THRB: variants seen among roughly 807,000 people sequenced by gnomAD.
The protein encoded by THRB is nuclear receptor subfamily 1 group A member 2.
Under a neutral mutation model 47.8 loss-of-function variants are expected in THRB, and 12 were observed. That is an observed-to-expected ratio of 0.25 (90% CI 0.16 to 0.41). The LOEUF is 0.41. THRB is among the 10% of genes least tolerant of loss of function. The probability of loss-of-function intolerance (pLI) is 1.00; values close to 1 mark genes in which losing one functional copy is unlikely to be tolerated. For synonymous variants in THRB, 218 were observed against 212.2 expected (o/e 1.03, Z -0.24); for missense variants, 348 against 589.2 (o/e 0.59, Z 4.24).
intron 3 of THRB, among the ~76,000 whole-genome samples, chr3:24,233,510 GAAGGAGGGAAGGAAGGAAGGA>G (rs2048457256): frequency 8.1e-6 from 1 of 123,994 alleles, no homozygotes. Context: ...AAGAAAGAAA[GAAGGAGGGAAGGAAGGAAGGA>G]AAAGAAAGAA....
In THRB at chr3:24,437,621, GACC is replaced by G. The variant is rs1260985510; in HGVS notation, c.-261+57028_-261+57030del. 4.6e-5 allele frequency among the ~76,000 whole-genome samples: 7 copies of G among 152,086 alleles called. No individual in the cohort carries two copies. In the East Asian group the frequency reaches 1.2e-3, roughly 25 times the overall value. On this transcript the variant is annotated intron_variant, in intron 1 of 10. Transcript: ENST00000646209. ...TACACACTGTACACACGTATCAAAA[GACC>G]ACATGTACAAAAATATGCACAACTA...
rs187008450 is a variant in THRB, at chr3:24,269,665, G to A, written c.-43+27561C>T. On this transcript the variant is annotated intron_variant, in intron 3 of 10. Transcript: ENST00000646209. Reference sequence around the variant, plus strand: ...TGCCTCAGTTGGTCTCAGACTCCTGGACTCAAGCAATCCTCCCACCTCAGC... The same window carrying A: ...TGCCTCAGTTGGTCTCAGACTCCTGAACTCAAGCAATCCTCCCACCTCAGC... Among the ~76,000 whole-genome samples, 341 of 150,730 alleles carry A rather than the reference G, an allele frequency of 2.3e-3. 2 individuals are homozygous for A. The highest frequency in any genetic ancestry group is 7.6e-3 in the African/African-American group (311 of 41,012).
At position 24,208,495 on chromosome 3, in the gene THRB, A is replaced by C. The variant is rs577140381; in HGVS notation, c.23-18161T>G. 6.6e-5 allele frequency among the ~76,000 whole-genome samples: 10 copies of C among 152,324 alleles called. No individual in the cohort carries two copies. In the East Asian group the frequency reaches 9.6e-4, roughly 15 times the overall value. On this transcript the variant is annotated intron_variant, in intron 4 of 10. Coordinates refer to ENST00000646209, the MANE Select transcript of THRB (RefSeq NM_001354712.2). Reference sequence around the variant, plus strand: ...AAAACAGCATGGTACTGGTACCAAAACAGAGATATAGACCAATGGAACAGA... The same window carrying C: ...AAAACAGCATGGTACTGGTACCAAACCAGAGATATAGACCAATGGAACAGA...
At chr3:24,132,824 A>G (rs928776987) in intron 9 of THRB, among the ~76,000 whole-genome samples, 2 of 152,270 alleles carry the variant, frequency 1.3e-5, no homozygotes, top group Non-Finnish European at 2.9e-5. Context: ...ACGACCACAC[A>G]GTCATCTCAC....
At chr3:24,481,444 A>G (rs1372255848) in intron 1 of THRB, among the ~76,000 whole-genome samples, 4 of 152,016 alleles carry the variant, frequency 2.6e-5, no homozygotes, top group African/African-American at 9.7e-5. Context: ...ACATCAGGAA[A>G]GTATTACTCA....
rs1394131156 is a variant in THRB, at chr3:24,119,520, TGA to T, written c.*3362_*3363del. 1 of 152,296 alleles carries T rather than the reference TGA, an allele frequency of 6.6e-6. No individual in the cohort carries two copies. The highest frequency in any genetic ancestry group is 1.5e-5 in the Non-Finnish European group (1 of 68,154). 9.4% of individuals were successfully genotyped at this position (152,296 alleles called of 1,614,324 possible). A position where few individuals can be genotyped will look rare whatever the true frequency, so the allele number is the denominator to read the frequency against. On this transcript the variant is annotated 3_prime_UTR_variant, in exon 11 of 11. Coordinates refer to ENST00000646209, the MANE Select transcript of THRB (RefSeq NM_001354712.2). ...GGGTGCTCAGCGGTTCCTTGGAGGC[TGA>T]GTCTGTGGGGGGCTTAGTGTCGAGG...
At chr3:24,351,165 A>G (rs1010416890) in intron 1 of THRB, among the ~76,000 whole-genome samples, 1 of 151,920 alleles carries the variant, frequency 6.6e-6, no homozygotes, top group African/African-American at 2.4e-5. Context: ...TTCTCTTCCC[A>G]TTGGCTTCTA....
chr3:24,376,883 G>A (rs1182310848), intron 1 of THRB, among the ~76,000 whole-genome samples: 3 of 152,202 alleles, frequency 2.0e-5, no homozygotes, highest in Admixed American at 2.0e-4. Context: ...TATGTGATCT[G>A]GCTGACATCT....
intron 1 of THRB, among the ~76,000 whole-genome samples, chr3:24,365,978 G>A (rs145085009): frequency 2.6e-5 from 4 of 152,268 alleles, no homozygotes; most frequent in African/African-American, 7.2e-5. Flanking sequence ...CTAATCGGGC[G>A]TATTTTGACT....
At chr3:24,200,052 T>G (rs1233937436) in intron 4 of THRB, among the ~76,000 whole-genome samples, 1 of 152,312 alleles carries the variant, frequency 6.6e-6, no homozygotes, top group South Asian at 2.1e-4. Flanking sequence ...GTTGGATGAC[T>G]CAAACTTTGA....
At chr3:24,411,248 G>A (rs1475980402) in intron 1 of THRB, among the ~76,000 whole-genome samples, 2 of 151,684 alleles carry the variant, frequency 1.3e-5, no homozygotes, top group Non-Finnish European at 2.9e-5. Flanking sequence ...TAAAATTTGG[G>A]CCATTTTCTC....
intron 4 of THRB, among the ~76,000 whole-genome samples, chr3:24,209,977 C>T (rs2045848366): frequency 6.6e-6 from 1 of 152,136 alleles, no homozygotes; most frequent in South Asian, 2.1e-4. Flanking sequence ...TGTTCTGATA[C>T]GTGTCTACAG....
At chr3:24,209,772 A>C (rs9811853) in intron 4 of THRB, among the ~76,000 whole-genome samples, 2 of 151,902 alleles carry the variant, frequency 1.3e-5, no homozygotes, top group African/African-American at 4.8e-5. Flanking sequence ...CATGTATACA[A>C]AATTAACAAA....
chr3:24,223,264 A>C (rs1255409233), intron 4 of THRB, among the ~76,000 whole-genome samples: 2 of 150,472 alleles, frequency 1.3e-5, no homozygotes, highest in East Asian at 1.9e-4. Flanking sequence ...TGTTAAAGGT[A>C]AGTATGAGAG....
chr3:24,273,192 C>G (rs573236784), intron 3 of THRB, among the ~76,000 whole-genome samples: 19 of 152,256 alleles, frequency 1.2e-4, no homozygotes, highest in African/African-American at 4.6e-4. Flanking sequence ...GACCTGCCAA[C>G]AATAATTTTA....
intron 1 of THRB, among the ~76,000 whole-genome samples, chr3:24,457,728 A>C (rs1281704882): frequency 6.6e-6 from 1 of 152,182 alleles, no homozygotes; most frequent in Non-Finnish European, 1.5e-5. Flanking sequence ...TATGTCATCA[A>C]ATAATCCATT....
intron 5 of THRB, chr3:24,165,540 T>C (rs2039535455): frequency 8.8e-6 from 5 of 567,832 alleles, no homozygotes; most frequent in Non-Finnish European, 1.6e-5. Flanking sequence ...TACTTTGTAA[T>C]AGCACCTGAT....
At chr3:24,230,610 C>T (rs905225615) in intron 3 of THRB, among the ~76,000 whole-genome samples, 2 of 152,132 alleles carry the variant, frequency 1.3e-5, no homozygotes, top group African/African-American at 2.4e-5. Context: ...GAGCACAGGT[C>T]GTACCTACAG....
Position 24,307,376 on chromosome 3 carries a change from G to GT in THRB, c.-188-10006dup, listed in dbSNP as rs1484375119. Among the ~76,000 whole-genome samples the GT allele has an allele frequency of 8.6e-5, 13 of 151,964 alleles. No homozygotes were observed. In the South Asian group the frequency reaches 2.5e-3, roughly 29 times the overall value. ...GATCTCTCAATTCTTATTTCCTTTA[G>GT]TTTTTTATGCATCTGTTTTTTATAT... On this transcript the variant is annotated intron_variant, in intron 2 of 10. Coordinates refer to ENST00000646209, the MANE Select transcript of THRB (RefSeq NM_001354712.2).
Sources: allele counts gnomAD v4.1 joint callset (sites outside exome capture counted in the v4.1 genomes callset), GRCh38; gene constraint gnomAD v4.1.1; transcripts MANE v1.5; gene names NCBI Gene and HGNC (gene_info 2026-07-23, HGNC 2026-07-21).